ZNF93: variants seen among roughly 807,000 people sequenced by gnomAD.
ZNF93 encodes the protein zinc finger protein 505.
In ZNF93, 29 loss-of-function variants were observed where a neutral mutation model predicts 45.0. The observed-to-expected ratio is 0.64, with a 90% CI of 0.48 to 0.88. The LOEUF is 0.88. ZNF93 is among the 40% of genes least tolerant of loss of function. The probability of loss-of-function intolerance (pLI) is 0.00; values close to 1 mark genes in which losing one functional copy is unlikely to be tolerated. For missense variants in ZNF93, 578 were observed against 724.0 expected (o/e 0.80, Z 2.31); for synonymous variants, 223 against 244.6 (o/e 0.91, Z 0.82).
intron 1 of ZNF93, among the ~76,000 whole-genome samples, chr19:19,901,811 G>T (rs1195277468): frequency 6.6e-6 from 1 of 152,058 alleles, no homozygotes; most frequent in African/African-American, 2.4e-5. Flanking sequence ...CCCCTTCCTG[G>T]CCCAGCGCGG....
intron 1 of ZNF93, among the ~76,000 whole-genome samples, chr19:19,903,205 C>G (rs1242440107): frequency 6.6e-6 from 1 of 152,094 alleles, no homozygotes; most frequent in Non-Finnish European, 1.5e-5. Flanking sequence ...AAAATGTAGG[C>G]AGAAAAGGGC....
chr19:19,927,931 A>G (rs2063361111), intron 3 of ZNF93, among the ~76,000 whole-genome samples: 1 of 152,136 alleles, frequency 6.6e-6, no homozygotes, highest in Non-Finnish European at 1.5e-5. Flanking sequence ...TATTTTTAGT[A>G]GAGATGGTGT....
At chr19:19,908,713 C>A (rs559508289) in intron 1 of ZNF93, among the ~76,000 whole-genome samples, 1 of 151,852 alleles carries the variant, frequency 6.6e-6, no homozygotes, top group Admixed American at 6.6e-5. Flanking sequence ...CATGGTGGCA[C>A]ATGCCTGTAA....
chr19:19,929,453 A>G (rs2063365844), intron 3 of ZNF93, among the ~76,000 whole-genome samples: 1 of 152,204 alleles, frequency 6.6e-6, no homozygotes, highest in African/African-American at 2.4e-5. Flanking sequence ...TTATGTTGCT[A>G]TGTATATCTC....
chr19:19,933,498 T>G lies in ZNF93; in HGVS notation c.543T>G (p.Ala181=). The stretch of plus-strand genomic sequence containing the variant: ...TCAAATGCATAGAATGTGGCAAAGC[T>G]TTTAACCAGTTCTCAACCCTTATAA... ...KPFKCIECGK[A]FNQFSTLITH... The change falls in exon 4 of 4, where the codon GCT becomes GCG. Residue 181 remains alanine (A), a synonymous_variant. Coordinates refer to ENST00000343769, the MANE Select transcript of ZNF93 (RefSeq NM_031218.4). 1 of 1,607,092 alleles carries G rather than the reference T, an allele frequency of 6.2e-7. No homozygotes were observed. The highest frequency in any genetic ancestry group is 8.5e-7 in the Non-Finnish European group (1 of 1,177,826).
intron 3 of ZNF93, among the ~76,000 whole-genome samples, chr19:19,922,214 G>T: frequency 6.6e-6 from 1 of 152,116 alleles, no homozygotes; most frequent in East Asian, 1.9e-4. Context: ...GCTTAGTTTG[G>T]CTGGGTATGA....
chr19:19,931,148 T>C (rs1377474191), intron 3 of ZNF93, among the ~76,000 whole-genome samples: 1 of 149,202 alleles, frequency 6.7e-6, no homozygotes, highest in African/African-American at 2.4e-5. Flanking sequence ...TATAATTTTA[T>C]TTATATATAT....
At chr19:19,917,592 A>T (rs1386048262) in intron 3 of ZNF93, among the ~76,000 whole-genome samples, 1 of 151,954 alleles carries the variant, frequency 6.6e-6, no homozygotes, top group Non-Finnish European at 1.5e-5. Flanking sequence ...ACAGCTTTTT[A>T]AATTTTTTTT....
intron 3 of ZNF93, 83 bp downstream of exon 3, chr19:19,916,738 A>AT (rs1187824123): frequency 2.0e-6 from 2 of 1,003,630 alleles, no homozygotes; most frequent in Non-Finnish European, 2.9e-6. Context: ...TTAAAATGTG[A>AT]TTCGGGAAGC....
At chr19:19,915,629 C>T (rs923838435) in intron 2 of ZNF93, among the ~76,000 whole-genome samples, 3 of 151,932 alleles carry the variant, frequency 2.0e-5, no homozygotes, top group Non-Finnish European at 4.4e-5. Flanking sequence ...TTGCCTGAGG[C>T]GAGGAGTTCG....
chr19:19,906,100 C>T (rs542847787), intron 1 of ZNF93, among the ~76,000 whole-genome samples: 11 of 152,270 alleles, frequency 7.2e-5, no homozygotes, highest in African/African-American at 2.4e-4. Context: ...TGTGAGGAAT[C>T]GCCACACTGC....
intron 1 of ZNF93, among the ~76,000 whole-genome samples, chr19:19,910,767 A>C (rs1421689734): frequency 1.3e-5 from 2 of 151,968 alleles, no homozygotes; most frequent in Non-Finnish European, 2.9e-5. Context: ...ATGCAGAGCC[A>C]GGTGGATCCT....
At chr19:19,931,801 G>T (rs2063375158) in intron 3 of ZNF93, among the ~76,000 whole-genome samples, 1 of 151,552 alleles carries the variant, frequency 6.6e-6, no homozygotes, top group African/African-American at 2.4e-5. Context: ...TTTTGTACTG[G>T]CATGCTTTGA....
At chr19:19,930,387 C>G (rs552892127) in intron 3 of ZNF93, among the ~76,000 whole-genome samples, 2 of 152,128 alleles carry the variant, frequency 1.3e-5, no homozygotes, top group African/African-American at 4.8e-5. Context: ...GTTAGGCCTC[C>G]GGATAACTGC....
At position 19,933,227 on chromosome 19, in the gene ZNF93, TA is replaced by T. The variant is rs2063379871; in HGVS notation, c.276del (p.Asp93IlefsTer6). On this transcript the variant is annotated frameshift_variant, in exon 4 of 4. Coordinates refer to ENST00000343769, the MANE Select transcript of ZNF93 (RefSeq NM_031218.4). LOFTEE classifies it high-confidence loss of function. ...CAAGATCTTTGGCCAGAGCAGAACA[TA>T]AAAGATTCTTTCCAAAAAGTGATAC... is the stretch of plus-strand genomic sequence containing the variant. ...FAQDLWPEQN[I>X]KDSFQKVILR... 6.3e-7 allele frequency: 1 copy of T among 1,599,800 alleles called. No homozygotes were observed. The highest frequency in any genetic ancestry group is 1.7e-5 in the Admixed American group (1 of 58,136).
At chr19:19,913,394 C>T (rs937086327) in intron 1 of ZNF93, among the ~76,000 whole-genome samples, 3 of 152,074 alleles carry the variant, frequency 2.0e-5, no homozygotes, top group Admixed American at 1.3e-4. Flanking sequence ...AATGAAGTGC[C>T]TCATGTGACT....
At chr19:19,929,503 C>A (rs1346888486) in intron 3 of ZNF93, among the ~76,000 whole-genome samples, 1 of 152,102 alleles carries the variant, frequency 6.6e-6, no homozygotes, top group Non-Finnish European at 1.5e-5. Context: ...TATTTTGGAG[C>A]TCTGATGTTA....
At chr19:19,914,850 A>G in intron 1 of ZNF93, 1 of 353,992 alleles carries the variant, frequency 2.8e-6, no homozygotes, top group South Asian at 2.1e-5. Context: ...TCAAAAAATC[A>G]GACTTCATTC....
intron 3 of ZNF93, among the ~76,000 whole-genome samples, chr19:19,921,057 C>G (rs1047548082): frequency 2.6e-5 from 4 of 152,076 alleles, no homozygotes; most frequent in Non-Finnish European, 5.9e-5. Context: ...TAGATCTTTC[C>G]TGCTTTCTCT....
Sources: allele counts gnomAD v4.1 joint callset (sites outside exome capture counted in the v4.1 genomes callset), GRCh38; gene constraint gnomAD v4.1.1; transcripts MANE v1.5; gene names NCBI Gene and HGNC (gene_info 2026-07-23, HGNC 2026-07-21).